Variants in SRGAP3 observed in about 807,000 individuals in gnomAD.
The protein encoded by SRGAP3 is SLIT-ROBO Rho GTPase-activating protein 3.
Under a neutral mutation model 121.1 loss-of-function variants are expected in SRGAP3, and 39 were observed. The ratio of observed to expected loss-of-function variants is 0.32; its 90% CI spans 0.25 to 0.42. The LOEUF (loss-of-function observed/expected upper bound fraction) is 0.42, where lower values mean the gene tolerates loss of function less well. SRGAP3 is among the 10% of genes least tolerant of loss of function. The pLI is 1.00. For missense variants in SRGAP3, 1,213 were observed against 1,470.6 expected (o/e 0.82, Z 2.86); for synonymous variants, 601 against 570.0 (o/e 1.05, Z -0.77).
chr3:9,050,572 A>G (rs1330200370), intron 9 of SRGAP3, among the ~76,000 whole-genome samples: 1 of 152,262 alleles, frequency 6.6e-6, no homozygotes, highest in Non-Finnish European at 1.5e-5. Flanking sequence ...ATGAGAAGGT[A>G]TACTAGGAAA....
At chr3:9,159,362 C>T (rs748033082) in intron 1 of SRGAP3, among the ~76,000 whole-genome samples, 3 of 152,210 alleles carry the variant, frequency 2.0e-5, no homozygotes, top group Admixed American at 6.5e-5. Context: ...TTACCTCCCC[C>T]GGCCAGCTCG....
At chr3:9,187,108 C>T (rs547215004) in intron 1 of SRGAP3, among the ~76,000 whole-genome samples, 1 of 149,472 alleles carries the variant, frequency 6.7e-6, no homozygotes, top group Non-Finnish European at 1.5e-5. Flanking sequence ...GCTATCCCTC[C>T]CCCAGCCCCC....
intron 3 of SRGAP3, among the ~76,000 whole-genome samples, chr3:9,275,020 G>A (rs1954545258): frequency 6.6e-6 from 1 of 152,122 alleles, no homozygotes; most frequent in Non-Finnish European, 1.5e-5. Context: ...CTCACTTTGA[G>A]CCAAGGTTCC....
At chr3:9,276,516 C>T (rs1458819247) in intron 3 of SRGAP3, among the ~76,000 whole-genome samples, 1 of 151,978 alleles carries the variant, frequency 6.6e-6, no homozygotes, top group South Asian at 2.1e-4. Context: ...ACCTCTGCCT[C>T]CAAGGTTCAC....
At chr3:9,255,967 G>A (rs1954123806) in intron 3 of SRGAP3, among the ~76,000 whole-genome samples, 2 of 152,116 alleles carry the variant, frequency 1.3e-5, no homozygotes, top group African/African-American at 4.8e-5. Context: ...CACAACAAAT[G>A]GGAGAGCTGG....
chr3:9,200,281 G>A (rs1310422152), intron 1 of SRGAP3, among the ~76,000 whole-genome samples: 2 of 152,174 alleles, frequency 1.3e-5, no homozygotes, highest in Non-Finnish European at 2.9e-5. Flanking sequence ...ATAAACTTTA[G>A]AAAGAACCTA....
At chr3:9,143,556 T>C (rs921270107) in intron 1 of SRGAP3, among the ~76,000 whole-genome samples, 20 of 152,210 alleles carry the variant, frequency 1.3e-4, no homozygotes, top group Admixed American at 7.2e-4. Flanking sequence ...AAGTACTCCA[T>C]AATAGAATAT....
At chr3:9,232,534 C>T (rs149191658) in intron 1 of SRGAP3, among the ~76,000 whole-genome samples, 1 of 152,136 alleles carries the variant, frequency 6.6e-6, no homozygotes, top group Non-Finnish European at 1.5e-5. Flanking sequence ...CATACACACA[C>T]AGACACACAT....
At chr3:9,090,825 C>T (rs1366737155) in intron 3 of SRGAP3, among the ~76,000 whole-genome samples, 3 of 152,000 alleles carry the variant, frequency 2.0e-5, no homozygotes, top group Non-Finnish European at 4.4e-5. Flanking sequence ...TTAGTAGAGA[C>T]AGGTTTTCAC....
chr3:9,012,149 T>C (rs986867941), intron 17 of SRGAP3, among the ~76,000 whole-genome samples: 2 of 152,228 alleles, frequency 1.3e-5, no homozygotes, highest in African/African-American at 4.8e-5. Flanking sequence ...AGTATTTCTA[T>C]GCAGGGAGGC....
intron 1 of SRGAP3, among the ~76,000 whole-genome samples, chr3:9,346,135 T>A (rs1479136516): frequency 6.6e-6 from 1 of 152,180 alleles, no homozygotes; most frequent in Non-Finnish European, 1.5e-5. Context: ...TGATGCAAAT[T>A]TCTTACTGCA....
At chr3:9,012,750 A>G (rs1943438302) in intron 17 of SRGAP3, among the ~76,000 whole-genome samples, 1 of 152,196 alleles carries the variant, frequency 6.6e-6, no homozygotes, top group South Asian at 2.1e-4. Context: ...CAGTTAAAGC[A>G]TTGCATCTCC....
rs953189222 is a variant in SRGAP3, at chr3:9,110,166, C to T, written c.261-5324G>A. Among the ~76,000 whole-genome samples, 3 of 152,054 alleles carry T rather than the reference C, an allele frequency of 2.0e-5. 1 individual carries two copies. The highest frequency in any genetic ancestry group is 3.9e-4 in the East Asian group (2 of 5,186). ...GAAATTGACTGGACAGGGAGATTGA[C>T]GGGATGGAGTTAGGGCTGGAAGTTG... On this transcript the variant is annotated intron_variant, in intron 2 of 21. Coordinates refer to ENST00000383836, the MANE Select transcript of SRGAP3 (RefSeq NM_014850.4).
At chr3:9,103,870 G>T (rs382196) in intron 3 of SRGAP3, among the ~76,000 whole-genome samples, 58,178 of 152,082 alleles carry the variant, frequency 0.38, 11,396 homozygotes, top group African/African-American at 0.46. Context: ...TCAGCTTCTG[G>T]ATGTTTATAT....
intron 3 of SRGAP3, among the ~76,000 whole-genome samples, chr3:9,325,573 T>C (rs1270759481): frequency 6.6e-6 from 1 of 151,922 alleles, no homozygotes; most frequent in Non-Finnish European, 1.5e-5. Context: ...ACATTTCTAA[T>C]TATTGCCTCT....
chr3:9,058,348 A>G lies in SRGAP3; in HGVS notation c.926T>C (p.Leu309Pro). ...TGTGTGCTTGTCACTTCGGGAATCC[A>G]GGTTGTCCACTGCATTCTCAATGAC... The part of the protein sequence containing the change: ...LDVIENAVDN[L>P]DSRSDKHTVM... Residue 309 changes from leucine to proline, a missense_variant, in exon 7 of 22, where the codon CTG (leucine) becomes CCG (proline). Transcript: ENST00000383836. 1 of 1,614,262 alleles carries G rather than the reference A, an allele frequency of 6.2e-7. No individual in the cohort carries two copies. The highest frequency in any genetic ancestry group is 8.5e-7 in the Non-Finnish European group (1 of 1,180,030).
intron 19 of SRGAP3, among the ~76,000 whole-genome samples, chr3:8,993,628 C>T (rs1005662593): frequency 1.3e-5 from 2 of 152,134 alleles, no homozygotes; most frequent in Non-Finnish European, 2.9e-5. Flanking sequence ...TGCCAAGGGC[C>T]CTCCACTATG....
intron 3 of SRGAP3, among the ~76,000 whole-genome samples, chr3:9,299,739 A>G (rs895272121): frequency 2.6e-5 from 4 of 151,868 alleles, no homozygotes; most frequent in African/African-American, 9.7e-5. Context: ...GTGAAACCCC[A>G]TCTCCACTAA....
chr3:9,171,628 A>T (rs920708507), intron 1 of SRGAP3, among the ~76,000 whole-genome samples: 13 of 152,120 alleles, frequency 8.5e-5, no homozygotes, highest in African/African-American at 2.9e-4. Flanking sequence ...AAGTTTTTTT[A>T]TTATTATTAA....
Sources: gnomAD v4.1 joint callset for allele counts (sites outside exome capture counted in the v4.1 genomes callset) on GRCh38, gnomAD v4.1.1 for gene constraint, MANE v1.5 for transcripts, NCBI Gene and HGNC (gene_info 2026-07-23, HGNC 2026-07-21) for gene names.